MEOX2: variants seen among roughly 807,000 people sequenced by gnomAD.
MEOX2 encodes the protein homeobox protein MOX-2.
MEOX2 carries 11 observed loss-of-function variants against 27.0 expected under a neutral mutation model. That is an observed-to-expected ratio of 0.41 (90% CI 0.26 to 0.68). The LOEUF (loss-of-function observed/expected upper bound fraction) is 0.68, where lower values mean the gene tolerates loss of function less well. Among genes scored for constraint, MEOX2 ranks in the 30% least tolerant of loss-of-function variants. The pLI, the probability that MEOX2 is intolerant of heterozygous loss-of-function variation, is 0.33. For missense variants in MEOX2, 436 were observed against 385.4 expected (o/e 1.13, Z -1.10); for synonymous variants, 189 against 155.4 (o/e 1.22, Z -1.61).
At position 15,626,737 on chromosome 7, in the gene MEOX2, C is replaced by T; in HGVS notation, c.690+9G>A. The stretch of plus-strand genomic sequence containing the variant: ...AAAAAGATCATATAATGATAATGCC[C>T]AGCTTTACCTGTCTTTCAGTGAGAT... On this transcript the variant is annotated intron_variant, in intron 2 of 2. Coordinates refer to ENST00000262041, the MANE Select transcript of MEOX2 (RefSeq NM_005924.5). 1 of 1,597,002 alleles carries T rather than the reference C, an allele frequency of 6.3e-7. No individual in the cohort carries two copies. Among genetic ancestry groups the T allele is most frequent in the South Asian group, 1.1e-5 (1 of 89,616 alleles).
intron 1 of MEOX2, among the ~76,000 whole-genome samples, chr7:15,674,554 T>G (rs1782160863): frequency 6.7e-6 from 1 of 149,694 alleles, no homozygotes; most frequent in Admixed American, 6.6e-5. Flanking sequence ...AGATAAAAGA[T>G]TCTGTGTGTG....
chr7:15,660,905 C>T (rs1254143056), intron 1 of MEOX2, among the ~76,000 whole-genome samples: 1 of 141,962 alleles, frequency 7.0e-6, no homozygotes, highest in East Asian at 2.3e-4. Context: ...CCCAGCTACT[C>T]GGGAGGCTGA....
chr7:15,646,476 C>A (rs537732575), intron 1 of MEOX2, among the ~76,000 whole-genome samples: 8 of 151,956 alleles, frequency 5.3e-5, no homozygotes, highest in African/African-American at 1.9e-4. Flanking sequence ...TACAAAAGTT[C>A]AAAATTTGAG....
intron 1 of MEOX2, among the ~76,000 whole-genome samples, chr7:15,652,874 T>C (rs2115378168): frequency 6.6e-6 from 1 of 152,208 alleles, no homozygotes; most frequent in African/African-American, 2.4e-5. Flanking sequence ...TTTAACCATT[T>C]GCCTGTTGAA....
chr7:15,639,097 C>G (rs181356694), intron 1 of MEOX2, among the ~76,000 whole-genome samples: 2 of 152,072 alleles, frequency 1.3e-5, no homozygotes, highest in African/African-American at 4.8e-5. Flanking sequence ...TTCCCACCAA[C>G]GGTGTAAAAG....
chr7:15,652,083 G>C (rs1411289266), intron 1 of MEOX2, among the ~76,000 whole-genome samples: 1 of 151,986 alleles, frequency 6.6e-6, no homozygotes, highest in East Asian at 1.9e-4. Flanking sequence ...AATCTTTTAA[G>C]ATAATAGGGA....
intron 1 of MEOX2, among the ~76,000 whole-genome samples, chr7:15,648,325 G>A (rs1781681219): frequency 6.6e-6 from 1 of 151,996 alleles, no homozygotes; most frequent in Admixed American, 6.6e-5. Flanking sequence ...CGTAATAAAC[G>A]AGATTGCTTT....
intron 2 of MEOX2, among the ~76,000 whole-genome samples, chr7:15,616,827 T>C (rs1781130788): frequency 6.6e-6 from 1 of 152,098 alleles, no homozygotes; most frequent in Admixed American, 6.6e-5. Flanking sequence ...TCCAGTAACC[T>C]GTACTGTGTT....
chr7:15,676,662 G>A (rs1317688996), intron 1 of MEOX2, among the ~76,000 whole-genome samples: 2 of 152,012 alleles, frequency 1.3e-5, no homozygotes, highest in Non-Finnish European at 1.5e-5. Context: ...CTTGAGGTAG[G>A]TAGTTCGAGA....
At chr7:15,678,202 A>G (rs1030102227) in intron 1 of MEOX2, among the ~76,000 whole-genome samples, 1 of 152,196 alleles carries the variant, frequency 6.6e-6, no homozygotes, top group Non-Finnish European at 1.5e-5. Context: ...TTCCCACGTA[A>G]GCATAGCCTA....
intron 1 of MEOX2, among the ~76,000 whole-genome samples, chr7:15,641,070 C>A (rs1781552360): frequency 6.6e-6 from 1 of 151,898 alleles, no homozygotes; most frequent in African/African-American, 2.4e-5. Flanking sequence ...TCCTTGATTT[C>A]TTGGAATAAT....
Position 15,686,531 on chromosome 7 carries a change from C to T in MEOX2, c.-129G>A. 1.2e-6 allele frequency: 1 copy of T among 816,756 alleles called. No individual in the cohort carries two copies. Among genetic ancestry groups the T allele is most frequent in the Non-Finnish European group, 1.9e-6 (1 of 527,772 alleles). The allele number at this position is 816,756 out of a possible 1,614,324, so 50.6% of individuals were successfully genotyped here. A position where few individuals can be genotyped will look rare whatever the true frequency, so the allele number is the denominator to read the frequency against. On this transcript the variant is annotated 5_prime_UTR_variant, in exon 1 of 3. Transcript: ENST00000262041. ...CTCCCAAAGCAATAGCGGTGCACTT[C>T]TGCAGAGCTCGGATAATCCCGGTCC...
intron 1 of MEOX2, among the ~76,000 whole-genome samples, chr7:15,675,308 T>C (rs1176080620): frequency 6.6e-6 from 1 of 152,216 alleles, no homozygotes; most frequent in Non-Finnish European, 1.5e-5. Flanking sequence ...GATCACTGTT[T>C]ACATTCATAA....
chr7:15,626,705 G>A (rs144093914), intron 2 of MEOX2, 41 bp downstream of exon 2: 2 of 1,456,640 alleles, frequency 1.4e-6, no homozygotes, highest in South Asian at 2.4e-5. Flanking sequence ...TGGACCCAGG[G>A]CAATTAAAAA....
intron 1 of MEOX2, among the ~76,000 whole-genome samples, chr7:15,635,131 C>A (rs896506912): frequency 1.3e-5 from 2 of 151,922 alleles, no homozygotes; most frequent in Non-Finnish European, 2.9e-5. Flanking sequence ...TTCTTACAAA[C>A]CGTCTATTTC....
At chr7:15,621,373 A>T (rs951097803) in intron 2 of MEOX2, among the ~76,000 whole-genome samples, 1 of 152,208 alleles carries the variant, frequency 6.6e-6, no homozygotes, top group African/African-American at 2.4e-5. Flanking sequence ...GTGTGCTAAC[A>T]TGGAATTACT....
chr7:15,624,877 C>T (rs1392300915), intron 2 of MEOX2, among the ~76,000 whole-genome samples: 2 of 152,134 alleles, frequency 1.3e-5, no homozygotes, highest in African/African-American at 4.8e-5. Context: ...ATATATAATT[C>T]TTGCATGTAA....
intron 1 of MEOX2, among the ~76,000 whole-genome samples, chr7:15,685,293 A>G (rs951050261): frequency 2.0e-5 from 3 of 152,180 alleles, no homozygotes; most frequent in African/African-American, 7.2e-5. Context: ...TTCCCCAATA[A>G]AGGGAAAATT....
chr7:15,659,942 G>T (rs1315902240), intron 1 of MEOX2, among the ~76,000 whole-genome samples: 1 of 152,078 alleles, frequency 6.6e-6, no homozygotes, highest in Non-Finnish European at 1.5e-5. Context: ...TACAGACTTT[G>T]TCTCTGTAAT....
Sources: gnomAD v4.1 joint callset for allele counts (sites outside exome capture counted in the v4.1 genomes callset) on GRCh38, gnomAD v4.1.1 for gene constraint, MANE v1.5 for transcripts, NCBI Gene and HGNC (gene_info 2026-07-23, HGNC 2026-07-21) for gene names.